Variants in KCNK13 observed in about 807,000 individuals in gnomAD.
The protein encoded by KCNK13 is potassium two pore domain channel subfamily K member 13, also known as potassium channel subfamily K member 13.
KCNK13 carries 12 observed loss-of-function variants against 23.4 expected under a neutral mutation model. That is an observed-to-expected ratio of 0.51 (90% CI 0.33 to 0.83). The LOEUF is 0.83. KCNK13 is among the 40% of genes least tolerant of loss of function. The pLI is 0.02. For missense variants in KCNK13, 463 were observed against 556.3 expected (o/e 0.83, Z 1.69); for synonymous variants, 231 against 229.5 (o/e 1.01, Z -0.06).
At chr14:90,132,215 G>T (rs1037562182) in intron 1 of KCNK13, among the ~76,000 whole-genome samples, 1 of 152,174 alleles carries the variant, frequency 6.6e-6, no homozygotes, top group Non-Finnish European at 1.5e-5. Context: ...CCATTGATAC[G>T]ATGTAACAAG....
intron 1 of KCNK13, among the ~76,000 whole-genome samples, chr14:90,149,286 G>A (rs112280323): frequency 0.097 from 14,764 of 152,210 alleles, 1,023 homozygotes; most frequent in Admixed American, 0.24. Flanking sequence ...AACCTGGGAG[G>A]CAGAGGTTGC....
At chr14:90,123,011 G>C (rs1028745471) in intron 1 of KCNK13, among the ~76,000 whole-genome samples, 2 of 152,190 alleles carry the variant, frequency 1.3e-5, no homozygotes, top group African/African-American at 4.8e-5. Context: ...TGGCCAGTTA[G>C]TGGCAGAGCT....
intron 1 of KCNK13, among the ~76,000 whole-genome samples, chr14:90,083,106 G>T (rs889913023): frequency 3.3e-5 from 5 of 152,100 alleles, no homozygotes; most frequent in Non-Finnish European, 7.4e-5. Flanking sequence ...TTTTAATTGG[G>T]TTATTTGTCC....
intron 1 of KCNK13, among the ~76,000 whole-genome samples, chr14:90,104,530 T>C (rs572520908): frequency 5.0e-4 from 76 of 152,296 alleles, no homozygotes; most frequent in African/African-American, 1.8e-3. Context: ...CTCTTGGGAT[T>C]TGCTTGATAA....
At chr14:90,154,633 A>T (rs931660479) in intron 1 of KCNK13, among the ~76,000 whole-genome samples, 1 of 152,264 alleles carries the variant, frequency 6.6e-6, no homozygotes, top group Non-Finnish European at 1.5e-5. Context: ...CCATTCAGAC[A>T]TACTCAGAAC....
intron 1 of KCNK13, among the ~76,000 whole-genome samples, chr14:90,100,588 G>C (rs1365144629): frequency 6.6e-6 from 1 of 152,158 alleles, no homozygotes; most frequent in Non-Finnish European, 1.5e-5. Flanking sequence ...ATTAGTAGTG[G>C]CTATTTTTAT....
chr14:90,077,117 C>CTTTTTTT (rs373759289), intron 1 of KCNK13, among the ~76,000 whole-genome samples: 3 of 92,326 alleles, frequency 3.2e-5, no homozygotes, highest in African/African-American at 4.6e-5. Flanking sequence ...CCGCACCTGG[C>CTTTTTTT]TTTTTTTTTT....
In KCNK13 at chr14:90,065,493, C is replaced by A. The variant is rs114012110; in HGVS notation, c.334+2954C>A. ...CAGGTCGGTGCAAGGGAAAGTGAAT[C>A]GAGGAAGGAAAGTAAGTTAATCCAG... is the stretch of plus-strand genomic sequence containing the variant. On this transcript the variant is annotated intron_variant, in intron 1 of 1. Transcript: ENST00000282146. Among the ~76,000 whole-genome samples, 1,058 of 152,104 alleles carry A rather than the reference C, an allele frequency of 7.0e-3. 11 individuals are homozygous for A. The highest frequency in any genetic ancestry group is 0.024 in the African/African-American group (996 of 41,492).
intron 1 of KCNK13, among the ~76,000 whole-genome samples, chr14:90,114,592 C>G (rs184313437): frequency 2.0e-5 from 3 of 152,152 alleles, no homozygotes; most frequent in Admixed American, 6.5e-5. Flanking sequence ...CTCAGGACCA[C>G]GGAGGTCACC....
chr14:90,167,656 C>T (rs528529419), intron 1 of KCNK13, among the ~76,000 whole-genome samples: 10 of 152,246 alleles, frequency 6.6e-5, no homozygotes, highest in Admixed American at 5.9e-4. Context: ...CCCAGGCCTG[C>T]TCATTCGCTG....
chr14:90,066,999 G>C (rs1053582961), intron 1 of KCNK13, among the ~76,000 whole-genome samples: 2 of 152,206 alleles, frequency 1.3e-5, no homozygotes, highest in Non-Finnish European at 2.9e-5. Flanking sequence ...GGCCAAGCAC[G>C]GTGGCTCATG....
chr14:90,154,401 C>G (rs1349046941), intron 1 of KCNK13, among the ~76,000 whole-genome samples: 1 of 151,804 alleles, frequency 6.6e-6, no homozygotes, highest in Non-Finnish European at 1.5e-5. Context: ...ATAATGCCTG[C>G]TCTTCTACCT....
chr14:90,104,131 G>A (rs1370339836), intron 1 of KCNK13, among the ~76,000 whole-genome samples: 4 of 151,870 alleles, frequency 2.6e-5, no homozygotes, highest in East Asian at 1.9e-4. Flanking sequence ...CACTCATCTC[G>A]CTCCTCTACT....
chr14:90,114,436 C>A (rs765355701), intron 1 of KCNK13, among the ~76,000 whole-genome samples: 1 of 152,128 alleles, frequency 6.6e-6, no homozygotes, highest in Non-Finnish European at 1.5e-5. Flanking sequence ...TGGGGCATGA[C>A]CTCGGCTTTG....
intron 1 of KCNK13, among the ~76,000 whole-genome samples, chr14:90,152,061 T>A (rs1890139167): frequency 6.6e-6 from 1 of 152,206 alleles, no homozygotes. Context: ...CCAAATTTCA[T>A]GTTGAATTGT....
At chr14:90,154,936 C>A (rs1237892221) in intron 1 of KCNK13, among the ~76,000 whole-genome samples, 2 of 152,098 alleles carry the variant, frequency 1.3e-5, no homozygotes, top group Non-Finnish European at 2.9e-5. Context: ...ATTTGTTGAG[C>A]CCTTACTATG....
intron 1 of KCNK13, among the ~76,000 whole-genome samples, chr14:90,150,707 G>A (rs79092425): frequency 2.0e-5 from 3 of 152,224 alleles, no homozygotes; most frequent in East Asian, 1.9e-4. Flanking sequence ...TGCCCAAATC[G>A]CAAGTCAAAT....
At chr14:90,087,150 A>ATTT (rs1414159508) in intron 1 of KCNK13, among the ~76,000 whole-genome samples, 6 of 72,172 alleles carry the variant, frequency 8.3e-5, no homozygotes, top group African/African-American at 1.6e-4. Flanking sequence ...ATATATATAT[A>ATTT]TATATTTTTT....
chr14:90,165,454 G>C lies in KCNK13; in HGVS notation c.335-18657G>C, dbSNP rs559200657. On this transcript the variant is annotated intron_variant, in intron 1 of 1. Coordinates refer to ENST00000282146, the MANE Select transcript of KCNK13 (RefSeq NM_022054.4). ...CAGATTCAGGTATACTTGGCCCAGA[G>C]GTCCATCAAAATAAAGACATAGTCA... Among the ~76,000 whole-genome samples the C allele has an allele frequency of 2.0e-5, 3 of 152,240 alleles. No individual in the cohort carries two copies. In the South Asian group the frequency reaches 6.2e-4, roughly 32 times the overall value.
Sources: allele counts gnomAD v4.1 joint callset (sites outside exome capture counted in the v4.1 genomes callset), GRCh38; gene constraint gnomAD v4.1.1; transcripts MANE v1.5; gene names NCBI Gene and HGNC (gene_info 2026-07-23, HGNC 2026-07-21).